Variants in ZNF438 observed in about 807,000 individuals in gnomAD.
ZNF438 encodes the protein zinc finger protein 438.
ZNF438 carries 25 observed loss-of-function variants against 38.0 expected under a neutral mutation model. The observed-to-expected ratio is 0.66, with a 90% CI of 0.48 to 0.92. The LOEUF (loss-of-function observed/expected upper bound fraction) is 0.92, where lower values mean the gene tolerates loss of function less well. Among genes scored for constraint, ZNF438 ranks in the 40% least tolerant of loss-of-function variants. The pLI is 0.00. For missense variants in ZNF438, 1,007 were observed against 999.6 expected, an observed-to-expected ratio of 1.01 and a Z score of -0.10; for synonymous variants, 372 against 364.1, an observed-to-expected ratio of 1.02 and a Z score of -0.25.
At chr10:30,913,997 G>A (rs185707795) in intron 2 of ZNF438, among the ~76,000 whole-genome samples, 8 of 152,164 alleles carry the variant, frequency 5.3e-5, no homozygotes, top group East Asian at 3.9e-4. Context: ...TTTCAACAAT[G>A]TCCTAAACAC....
At chr10:30,990,210 T>C (rs1384220175) in intron 1 of ZNF438, among the ~76,000 whole-genome samples, 1 of 152,206 alleles carries the variant, frequency 6.6e-6, no homozygotes, top group Non-Finnish European at 1.5e-5. Context: ...GAATTTATGT[T>C]ACCTGTCTTT....
chr10:30,912,799 T>C (rs757491730), intron 2 of ZNF438, among the ~76,000 whole-genome samples: 6 of 152,162 alleles, frequency 3.9e-5, no homozygotes, highest in Non-Finnish European at 8.8e-5. Context: ...ATTATTACTA[T>C]TTGACCTTTC....
At chr10:30,979,572 C>T (rs1361965158) in intron 1 of ZNF438, among the ~76,000 whole-genome samples, 1 of 152,170 alleles carries the variant, frequency 6.6e-6, no homozygotes, top group East Asian at 1.9e-4. Flanking sequence ...GATACATAGA[C>T]CAATGGAACA....
At chr10:30,971,246 C>T (rs1473293934) in intron 1 of ZNF438, among the ~76,000 whole-genome samples, 2 of 152,124 alleles carry the variant, frequency 1.3e-5, no homozygotes, top group Non-Finnish European at 2.9e-5. Context: ...CTAAGCATCC[C>T]GCCTAGCTCA....
intron 3 of ZNF438, among the ~76,000 whole-genome samples, chr10:30,879,924 A>G (rs2038982518): frequency 6.6e-6 from 1 of 152,154 alleles, no homozygotes. Flanking sequence ...ATGGCAGAAC[A>G]TTTTCCAAAT....
intron 1 of ZNF438, among the ~76,000 whole-genome samples, chr10:30,980,662 A>G (rs2052020906): frequency 6.6e-6 from 1 of 152,238 alleles, no homozygotes; most frequent in Admixed American, 6.5e-5. Context: ...GAGAGACCAA[A>G]GTAAAGAAAT....
intron 3 of ZNF438, among the ~76,000 whole-genome samples, chr10:30,877,802 A>T (rs1320340732): frequency 6.6e-6 from 1 of 152,222 alleles, no homozygotes; most frequent in Non-Finnish European, 1.5e-5. Flanking sequence ...ATTTTTTTAT[A>T]AGTTCTTAAA....
chr10:30,894,319 A>G (rs543607860), intron 3 of ZNF438, among the ~76,000 whole-genome samples: 31 of 152,354 alleles, frequency 2.0e-4, no homozygotes, highest in Non-Finnish European at 2.9e-4. Flanking sequence ...TAGACAGTCC[A>G]GAGGCAACAT....
chr10:31,006,830 C>T (rs1291862487), intron 1 of ZNF438, among the ~76,000 whole-genome samples: 1 of 149,538 alleles, frequency 6.7e-6, no homozygotes, highest in Non-Finnish European at 1.5e-5. Context: ...GTGTTGATTG[C>T]TGTTGGCTAA....
intron 2 of ZNF438, among the ~76,000 whole-genome samples, chr10:30,923,776 C>T (rs746646494): frequency 6.6e-6 from 1 of 152,058 alleles, no homozygotes; most frequent in Non-Finnish European, 1.5e-5. Context: ...GGAAAAACAC[C>T]TTCTTTAGGA....
chr10:30,952,562 A>T (rs2048340576), intron 1 of ZNF438, among the ~76,000 whole-genome samples: 2 of 145,030 alleles, frequency 1.4e-5, no homozygotes, highest in Admixed American at 6.9e-5. Context: ...CAAGAAAAAA[A>T]CAAACAACCC....
intron 1 of ZNF438, among the ~76,000 whole-genome samples, chr10:31,005,964 A>T (rs1462063810): frequency 6.6e-6 from 1 of 152,160 alleles, no homozygotes; most frequent in Non-Finnish European, 1.5e-5. Context: ...TCTGAGCCTA[A>T]ATCTCTTCAG....
At chr10:30,958,726 C>G (rs1202310107) in intron 1 of ZNF438, among the ~76,000 whole-genome samples, 1 of 146,854 alleles carries the variant, frequency 6.8e-6, no homozygotes, top group Non-Finnish European at 1.5e-5. Flanking sequence ...TCAATTCCTG[C>G]TCCAACCCCT....
chr10:31,013,058 G>A (rs1366558471), intron 1 of ZNF438, among the ~76,000 whole-genome samples: 2 of 152,182 alleles, frequency 1.3e-5, no homozygotes, highest in African/African-American at 2.4e-5. Context: ...GGTGGCTCAC[G>A]CCTGTAATCC....
intron 3 of ZNF438, among the ~76,000 whole-genome samples, chr10:30,882,503 T>G (rs780816216): frequency 6.6e-5 from 10 of 152,180 alleles, no homozygotes; most frequent in Non-Finnish European, 1.0e-4. Flanking sequence ...CAATGGAACA[T>G]TACTCAGCAT....
intron 4 of ZNF438, among the ~76,000 whole-genome samples, chr10:30,862,931 A>C (rs980978753): frequency 6.6e-6 from 1 of 152,250 alleles, no homozygotes; most frequent in African/African-American, 2.4e-5. Context: ...GGTATTTTTG[A>C]GGAATGTGCA....
At chr10:30,895,552 A>C (rs536127395) in intron 3 of ZNF438, among the ~76,000 whole-genome samples, 12 of 152,376 alleles carry the variant, frequency 7.9e-5, no homozygotes, top group African/African-American at 2.9e-4. Flanking sequence ...CAACAGATAC[A>C]ATCAACAGAG....
intron 1 of ZNF438, among the ~76,000 whole-genome samples, chr10:30,951,403 A>G (rs1259726304): frequency 6.6e-6 from 1 of 151,274 alleles, no homozygotes; most frequent in African/African-American, 2.4e-5. Flanking sequence ...GGCCAGGGCA[A>G]TTAGGCAGGA....
At chr10:30,878,906 C>T (rs997172389) in intron 3 of ZNF438, among the ~76,000 whole-genome samples, 13 of 151,992 alleles carry the variant, frequency 8.6e-5, no homozygotes, top group Admixed American at 1.3e-4. Context: ...ACAAAGGGGT[C>T]GAGAAAAATC....
Sources: allele counts gnomAD v4.1 joint callset (sites outside exome capture counted in the v4.1 genomes callset), GRCh38; gene constraint gnomAD v4.1.1; transcripts MANE v1.5; gene names NCBI Gene and HGNC (gene_info 2026-07-23, HGNC 2026-07-21).